The following SBF2 variants were observed in gnomAD, a reference collection of about 807,000 sequenced individuals.
The protein encoded by SBF2 is SET binding factor 2, also known as myotubularin-related protein 13.
Under a neutral mutation model 225.2 loss-of-function variants are expected in SBF2, and 112 were observed. That is an observed-to-expected ratio of 0.50 (90% CI 0.43 to 0.58). The LOEUF is 0.58. SBF2 is among the 20% of genes least tolerant of loss of function. SBF2 has a pLI of 0.00. For synonymous variants in SBF2, 763 were observed against 773.3 expected (o/e 0.99, Z 0.22); for missense variants, 1,996 against 2,206.2 (o/e 0.90, Z 1.91).
At chr11:9,822,565 A>C (rs1432614567) in intron 28 of SBF2, among the ~76,000 whole-genome samples, 1 of 151,924 alleles carries the variant, frequency 6.6e-6, no homozygotes, top group East Asian at 1.9e-4. Flanking sequence ...CGGCCACTAA[A>C]CTCTTAATGT....
chr11:10,086,435 C>T (rs1238540849), intron 2 of SBF2, among the ~76,000 whole-genome samples: 2 of 152,120 alleles, frequency 1.3e-5, no homozygotes, highest in African/African-American at 4.8e-5. Flanking sequence ...ACTTGCTGGT[C>T]CTCTGCAGTA....
intron 5 of SBF2, 44 bp from the exon 6 acceptor site, chr11:10,028,601 G>T: frequency 7.8e-7 from 1 of 1,275,762 alleles, no homozygotes; most frequent in Non-Finnish European, 1.1e-6. Flanking sequence ...CACGATTTCA[G>T]CCATTTTTTA....
chr11:10,214,413 G>C (rs11042670), intron 1 of SBF2, among the ~76,000 whole-genome samples: 1 of 152,164 alleles, frequency 6.6e-6, no homozygotes, highest in African/African-American at 2.4e-5. Flanking sequence ...CACAAGGTCA[G>C]GAGATCCAGA....
chr11:10,028,633 G>T, intron 5 of SBF2, 76 bp from the exon 6 acceptor site: 15 of 955,286 alleles, frequency 1.6e-5, no homozygotes, highest in Middle Eastern at 2.1e-4. Context: ...TACCTTCGAT[G>T]TTCATTTTTA....
intron 1 of SBF2, among the ~76,000 whole-genome samples, chr11:10,277,581 T>C (rs1963059925): frequency 6.6e-6 from 1 of 152,224 alleles, no homozygotes; most frequent in Non-Finnish European, 1.5e-5. Flanking sequence ...TCCATCAGAA[T>C]CTCATAATGT....
chr11:9,982,343 C>A (rs1469385245), intron 13 of SBF2, among the ~76,000 whole-genome samples: 1 of 152,080 alleles, frequency 6.6e-6, no homozygotes, highest in African/African-American at 2.4e-5. Flanking sequence ...ATAATGAGGG[C>A]AAATGACTAA....
intron 7 of SBF2, among the ~76,000 whole-genome samples, chr11:10,001,333 C>A (rs1374292567): frequency 1.3e-5 from 2 of 152,018 alleles, no homozygotes; most frequent in African/African-American, 4.8e-5. Context: ...AGAAACCCGA[C>A]ATTAGACAGT....
chr11:10,097,871 C>T (rs925417786), intron 2 of SBF2, among the ~76,000 whole-genome samples: 2 of 152,088 alleles, frequency 1.3e-5, no homozygotes, highest in Non-Finnish European at 2.9e-5. Context: ...TTCTACAGCT[C>T]TGAGAGTCAC....
At chr11:10,247,429 C>A (rs1286109864) in intron 1 of SBF2, among the ~76,000 whole-genome samples, 1 of 151,688 alleles carries the variant, frequency 6.6e-6, no homozygotes, top group Non-Finnish European at 1.5e-5. Context: ...ACCTGTAATG[C>A]CAGCATTTTG....
intron 27 of SBF2, among the ~76,000 whole-genome samples, chr11:9,831,800 TG>T (rs1421051138): frequency 6.6e-6 from 1 of 152,200 alleles, no homozygotes; most frequent in African/African-American, 2.4e-5. Context: ...GCGTATGACT[TG>T]TAAGAGTGAG....
chr11:10,294,876 G>T (rs754871563), upstream of SBF2, among the ~76,000 whole-genome samples: 1 of 152,210 alleles, frequency 6.6e-6, no homozygotes, highest in Admixed American at 6.5e-5. Flanking sequence ...AGCCCCGCAC[G>T]CCTCGGCTTG....
chr11:10,090,662 G>T (rs1281104531), intron 2 of SBF2, among the ~76,000 whole-genome samples: 1 of 151,676 alleles, frequency 6.6e-6, no homozygotes, highest in African/African-American at 2.4e-5. Flanking sequence ...CTACTCAGGA[G>T]GCTGAGGCAG....
chr11:9,860,573 C>T (rs1857656086), intron 17 of SBF2, among the ~76,000 whole-genome samples: 1 of 152,038 alleles, frequency 6.6e-6, no homozygotes, highest in African/African-American at 2.4e-5. Flanking sequence ...TCGAGTGATC[C>T]ACCTGCCTTG....
At chr11:9,976,590 A>G (rs1031638302) in intron 13 of SBF2, among the ~76,000 whole-genome samples, 1 of 152,120 alleles carries the variant, frequency 6.6e-6, no homozygotes, top group African/African-American at 2.4e-5. Flanking sequence ...CCTGGGCAAC[A>G]AAGCGAGACA....
intron 17 of SBF2, among the ~76,000 whole-genome samples, chr11:9,861,528 G>A (rs1186903587): frequency 6.6e-6 from 1 of 152,070 alleles, no homozygotes; most frequent in Non-Finnish European, 1.5e-5. Flanking sequence ...GCTGGGTGTG[G>A]TGGCAGGCAC....
chr11:10,101,659 C>CTGTG (rs144213559), intron 2 of SBF2, among the ~76,000 whole-genome samples: 15,649 of 148,020 alleles, frequency 0.11, 830 homozygotes, highest in South Asian at 0.16. Flanking sequence ...CTCTCTCGCT[C>CTGTG]TGTGTGTGTG....
chr11:9,930,142 T>C (rs1864377215), intron 16 of SBF2, among the ~76,000 whole-genome samples: 2 of 151,962 alleles, frequency 1.3e-5, no homozygotes, highest in Non-Finnish European at 2.9e-5. Context: ...ACCTCAGAAA[T>C]TAATATAAAG....
intron 2 of SBF2, among the ~76,000 whole-genome samples, chr11:10,125,469 A>G (rs923971422): frequency 6.6e-6 from 1 of 152,162 alleles, no homozygotes; most frequent in East Asian, 1.9e-4. Context: ...TTGTTAATGA[A>G]CGACACTAGA....
At chr11:9,827,529 T>A (rs1176656162) in intron 28 of SBF2, among the ~76,000 whole-genome samples, 1 of 59,202 alleles carries the variant, frequency 1.7e-5, no homozygotes, top group Non-Finnish European at 4.2e-5. Flanking sequence ...TAAGACTCTG[T>A]CTTAAAAAAA....
Sources: allele counts gnomAD v4.1 joint callset (sites outside exome capture counted in the v4.1 genomes callset), GRCh38; gene constraint gnomAD v4.1.1; transcripts MANE v1.5; gene names NCBI Gene and HGNC (gene_info 2026-07-23, HGNC 2026-07-21).